Variants in CAMTA1 observed in about 807,000 individuals in gnomAD.
The protein encoded by CAMTA1 is calmodulin-binding transcription activator 1.
CAMTA1 carries 27 observed loss-of-function variants against 170.9 expected under a neutral mutation model. The ratio of observed to expected loss-of-function variants is 0.16; its 90% confidence interval spans 0.12 to 0.22. The LOEUF (loss-of-function observed/expected upper bound fraction) is 0.22. Among genes scored for constraint, CAMTA1 ranks in the 10% least tolerant of loss-of-function variants. CAMTA1 has a pLI of 1.00. For missense variants in CAMTA1, 1,619 were observed against 2,217.2 expected, an observed-to-expected ratio of 0.73 and a Z score of 5.42; for synonymous variants, 833 against 891.5, an observed-to-expected ratio of 0.93 and a Z score of 1.17.
At chr1:7,202,130 T>A (rs779261232) in intron 4 of CAMTA1, among the ~76,000 whole-genome samples, 5 of 152,208 alleles carry the variant, frequency 3.3e-5, no homozygotes, top group Non-Finnish European at 4.4e-5. Flanking sequence ...CCAGCTTCAT[T>A]TGTTGAAAAG....
rs1003743275 is a variant in CAMTA1, at chr1:7,767,787, G to T, written c.*1296G>T. On this transcript the variant is annotated 3_prime_UTR_variant, in exon 23 of 23. Coordinates refer to ENST00000303635, the MANE Select transcript of CAMTA1 (RefSeq NM_015215.4). ...AAAAAAACTTTATTTCACTATAAGA[G>T]TACTTTATTTTAAATGTTCTTTAGG... 1 of 144,798 alleles carries T rather than the reference G, an allele frequency of 6.9e-6. No homozygotes were observed. The highest frequency in any genetic ancestry group is 2.1e-4 in the East Asian group (1 of 4,844). 9.0% of individuals were successfully genotyped at this position (144,798 alleles called of 1,614,324 possible).
At chr1:7,186,901 C>T (rs532071235) in intron 4 of CAMTA1, among the ~76,000 whole-genome samples, 27 of 152,072 alleles carry the variant, frequency 1.8e-4, no homozygotes, top group Middle Eastern at 3.4e-3. Context: ...GTCTTCCCGG[C>T]GGGGGCGTGA....
At chr1:7,524,583 C>A (rs756073559) in intron 6 of CAMTA1, among the ~76,000 whole-genome samples, 1 of 152,082 alleles carries the variant, frequency 6.6e-6, no homozygotes, top group Non-Finnish European at 1.5e-5. Context: ...AGTCTTCCAC[C>A]ATTAAATTGA....
intron 1 of CAMTA1, among the ~76,000 whole-genome samples, chr1:6,811,259 A>G (rs552818991): frequency 2.3e-4 from 35 of 152,358 alleles, no homozygotes; most frequent in Admixed American, 7.8e-4. Context: ...ACAAAGTAAT[A>G]TGCAAACAAA....
chr1:6,977,266 C>T (rs899134826), intron 3 of CAMTA1, among the ~76,000 whole-genome samples: 4 of 152,014 alleles, frequency 2.6e-5, no homozygotes, highest in African/African-American at 9.7e-5. Flanking sequence ...AACTACAGCT[C>T]TTGCCGCATA....
chr1:7,666,577 C>T (rs1230726917), intron 9 of CAMTA1, among the ~76,000 whole-genome samples: 1 of 152,228 alleles, frequency 6.6e-6, no homozygotes, highest in African/African-American at 2.4e-5. Context: ...TGCAGACAAG[C>T]ACGTGCATCC....
In CAMTA1 at chr1:6,887,630, C is replaced by T; in HGVS notation, c.234+62420C>T. The T allele has an allele frequency of 1.3e-6, 2 of 1,532,864 alleles. No homozygotes were observed. Among genetic ancestry groups the T allele is most frequent in the South Asian group, 1.2e-5 (1 of 83,440 alleles). 95.0% of individuals were successfully genotyped at this position (1,532,864 alleles called of 1,614,324 possible). On this transcript the variant is annotated intron_variant, in intron 3 of 22. Transcript: ENST00000303635. The surrounding 1 kb of genome is among the most constrained non-coding windows in gnomAD (Gnocchi z 4.1). ...CAGAAATAGAAGCGACGGTTTTGAC[C>T]CATTTTACACCTATTTATTTCAGGC...
At chr1:7,535,733 C>T (rs1214628066) in intron 6 of CAMTA1, among the ~76,000 whole-genome samples, 1 of 152,176 alleles carries the variant, frequency 6.6e-6, no homozygotes, top group Admixed American at 6.5e-5. Flanking sequence ...ATTGTCACCT[C>T]TCTGTGGCCA....
At chr1:7,296,094 T>C (rs1472100531) in intron 5 of CAMTA1, among the ~76,000 whole-genome samples, 1 of 152,216 alleles carries the variant, frequency 6.6e-6, no homozygotes, top group Non-Finnish European at 1.5e-5. Flanking sequence ...TCCAGCTGTT[T>C]GGTGAATGCC....
intron 2 of CAMTA1, among the ~76,000 whole-genome samples, chr1:6,822,050 A>G (rs956338825): frequency 2.0e-5 from 3 of 152,136 alleles, no homozygotes; most frequent in Non-Finnish European, 2.9e-5. Context: ...TACCATACAC[A>G]TATATTTTGT....
intron 3 of CAMTA1, among the ~76,000 whole-genome samples, chr1:6,999,049 C>G (rs974186251): frequency 5.3e-5 from 8 of 152,328 alleles, no homozygotes; most frequent in African/African-American, 1.9e-4. Flanking sequence ...AACTGAAACT[C>G]TGTGCCCACA....
intron 3 of CAMTA1, among the ~76,000 whole-genome samples, chr1:7,072,211 A>G (rs2147931907): frequency 6.6e-6 from 1 of 152,306 alleles, no homozygotes; most frequent in Non-Finnish European, 1.5e-5. Context: ...ACTTGGTTCC[A>G]TTAGCCACAT....
intron 6 of CAMTA1, among the ~76,000 whole-genome samples, chr1:7,612,080 C>T (rs930965984): frequency 7.2e-5 from 11 of 152,326 alleles, no homozygotes; most frequent in African/African-American, 2.2e-4. Flanking sequence ...TTGCCATCCA[C>T]GGACAGCTAA....
intron 3 of CAMTA1, among the ~76,000 whole-genome samples, chr1:6,872,224 C>A (rs1303459773): frequency 6.9e-6 from 1 of 144,626 alleles, no homozygotes; most frequent in Non-Finnish European, 1.5e-5. Context: ...CACACATACA[C>A]CCTCACCATC....
At chr1:7,062,248 G>T (rs6680259) in intron 3 of CAMTA1, among the ~76,000 whole-genome samples, 21,052 of 152,126 alleles carry the variant, frequency 0.14, 1,629 homozygotes, top group African/African-American at 0.2. Flanking sequence ...TATATATATT[G>T]ATTTATATTC....
chr1:7,102,860 C>T (rs775155909), intron 4 of CAMTA1, among the ~76,000 whole-genome samples: 16 of 152,224 alleles, frequency 1.1e-4, no homozygotes, highest in Non-Finnish European at 2.1e-4. Context: ...TCCTGAGCTG[C>T]GTGACACCGA....
At chr1:7,431,316 A>G (rs1227163150) in intron 5 of CAMTA1, among the ~76,000 whole-genome samples, 2 of 152,224 alleles carry the variant, frequency 1.3e-5, no homozygotes, top group Non-Finnish European at 2.9e-5. Flanking sequence ...TGAAAGGGCA[A>G]AAGTGGAAAC....
chr1:7,194,534 G>A (rs143369399), intron 4 of CAMTA1, among the ~76,000 whole-genome samples: 6 of 152,024 alleles, frequency 3.9e-5, no homozygotes, highest in Non-Finnish European at 8.8e-5. Flanking sequence ...TTTTGCCTTT[G>A]AAAGATGTCT....
At chr1:7,474,962 T>A (rs1166644167) in intron 6 of CAMTA1, among the ~76,000 whole-genome samples, 3 of 152,130 alleles carry the variant, frequency 2.0e-5, no homozygotes, top group African/African-American at 7.2e-5. Context: ...GCAGGCCAAG[T>A]GGGACACCCT....
Sources: gnomAD v4.1 joint callset for allele counts (sites outside exome capture counted in the v4.1 genomes callset) on GRCh38, gnomAD v4.1.1 for gene constraint, Gnocchi (gnomAD v3.1) non-coding constraint, MANE v1.5 for transcripts, NCBI Gene and HGNC (gene_info 2026-07-23, HGNC 2026-07-21) for gene names.